Variants in CLMN observed in about 807,000 individuals in gnomAD.
CLMN encodes the protein calmin.
In CLMN, 57 loss-of-function variants were observed where a neutral mutation model predicts 92.7. The ratio of observed to expected loss-of-function variants is 0.61; its 90% CI spans 0.50 to 0.77. The LOEUF is 0.77. Ranked by LOEUF, CLMN falls within the 30% of genes least tolerant of loss-of-function variation. CLMN has a pLI of 0.00. For missense variants in CLMN, 1,158 were observed against 1,237.5 expected (o/e 0.94, Z 0.96); for synonymous variants, 466 against 470.6 (o/e 0.99, Z 0.13).
chr14:95,238,972 C>T (rs1266979436), intron 1 of CLMN, among the ~76,000 whole-genome samples: 1 of 152,122 alleles, frequency 6.6e-6, no homozygotes. Context: ...GTGCCTATAA[C>T]TAAAATAGAA....
rs183979339 is a variant in CLMN, at chr14:95,214,755, G to C, written c.417+886C>G. Among the ~76,000 whole-genome samples, 910 of 149,008 alleles carry C rather than the reference G, an allele frequency of 6.1e-3. 14 individuals carry two copies. Among genetic ancestry groups the C allele is most frequent in the African/African-American group, 0.021 (845 of 40,742 alleles). ...AGAGACAGTATTTTTTTTTTTTTAAGTTCATGGTTCACTCAGAACAGGAAC... is the reference window on the plus strand; with the variant it reads ...AGAGACAGTATTTTTTTTTTTTTAACTTCATGGTTCACTCAGAACAGGAAC... On this transcript the variant is annotated intron_variant, in intron 5 of 12. Transcript: ENST00000298912.
intron 1 of CLMN, among the ~76,000 whole-genome samples, chr14:95,304,069 G>A (rs773613461): frequency 1.4e-4 from 22 of 152,216 alleles, no homozygotes; most frequent in Admixed American, 9.8e-4. Context: ...CAGACGTGGT[G>A]GCTCACACCT....
intron 6 of CLMN, among the ~76,000 whole-genome samples, chr14:95,211,539 A>G (rs1422987020): frequency 2.0e-5 from 3 of 152,140 alleles, no homozygotes; most frequent in African/African-American, 7.2e-5. Flanking sequence ...TCAACTTTTT[A>G]AAAGTAAAAG....
At position 95,203,500 on chromosome 14, in the gene CLMN, T is replaced by A. The variant is rs1309887389; in HGVS notation, c.1849A>T (p.Lys617Ter). The A allele has an allele frequency of 6.2e-7, 1 of 1,614,188 alleles. No individual in the cohort carries two copies. Among genetic ancestry groups the A allele is most frequent in the South Asian group, 1.1e-5 (1 of 91,084 alleles). The stretch of plus-strand genomic sequence containing the variant: ...TTAACTTGAGGCTCTGGCGAATCCT[T>A]CTTTTTGTGAGCAGATTTAATACTC... ...KRSIKSAHKK[K>*]DSPEPQVKMD... The change falls in exon 9 of 13, where the codon AAG (lysine) becomes TAG (stop). Residue 617 changes from lysine to a stop codon, truncating the protein, a stop_gained. Transcript: ENST00000298912. LOFTEE classifies it high-confidence loss of function.
chr14:95,281,626 G>A (rs1441405034), intron 1 of CLMN, among the ~76,000 whole-genome samples: 1 of 152,138 alleles, frequency 6.6e-6, no homozygotes, highest in Non-Finnish European at 1.5e-5. Flanking sequence ...TTCTAATTCT[G>A]GGCACATATT....
intron 1 of CLMN, among the ~76,000 whole-genome samples, chr14:95,303,130 T>C (rs534270734): frequency 2.6e-5 from 4 of 152,346 alleles, no homozygotes; most frequent in African/African-American, 9.6e-5. Flanking sequence ...AATCCTGCCA[T>C]GAAGAAAAGC....
chr14:95,314,649 G>A (rs928367956), intron 1 of CLMN, among the ~76,000 whole-genome samples: 1 of 152,218 alleles, frequency 6.6e-6, no homozygotes, highest in Non-Finnish European at 1.5e-5. Context: ...CAGCCTTTGG[G>A]TCTTGGTTGT....
In CLMN at chr14:95,184,263, C is replaced by T. The variant is rs139907492; in HGVS notation, c.*7301G>A. On this transcript the variant is annotated 3_prime_UTR_variant, in exon 13 of 13. Transcript: ENST00000298912. ...CTCCAATCTAAATCTGGCTGACTCCCAAACCTGACTTCTTTCTCTAGCCCA... is the reference window on the plus strand; with the variant it reads ...CTCCAATCTAAATCTGGCTGACTCCTAAACCTGACTTCTTTCTCTAGCCCA... 5.9e-5 allele frequency: 9 copies of T among 152,274 alleles called. No homozygotes were observed. The East Asian group carries it at 1.7e-3, about 29-fold the overall frequency. 9.4% of individuals were successfully genotyped at this position (152,274 alleles called of 1,614,324 possible).
chr14:95,192,312 T>C (rs1283103502), intron 12 of CLMN: 1 of 152,234 alleles, frequency 6.6e-6, no homozygotes, highest in Non-Finnish European at 1.5e-5. Flanking sequence ...TTTAAAATAA[T>C]TACTAGATTT....
At chr14:95,215,758 T>C (rs373104956) in intron 4 of CLMN, 25 bp from the exon 5 acceptor site, 22 of 1,550,360 alleles carry the variant, frequency 1.4e-5, no homozygotes, top group Admixed American at 5.0e-5. Context: ...TTTATGAACT[T>C]AAAGCGAGGT....
intron 1 of CLMN, among the ~76,000 whole-genome samples, chr14:95,292,723 C>T (rs188805472): frequency 6.6e-6 from 1 of 152,246 alleles, no homozygotes; most frequent in African/African-American, 2.4e-5. Context: ...AAAACACCAG[C>T]TTTCCCACGA....
intron 1 of CLMN, among the ~76,000 whole-genome samples, chr14:95,235,856 C>T (rs913587334): frequency 2.6e-5 from 4 of 152,148 alleles, no homozygotes; most frequent in Admixed American, 6.5e-5. Context: ...CATCTCTACA[C>T]GCGCTCGCCC....
chr14:95,264,700 A>T (rs1423813169), intron 1 of CLMN, among the ~76,000 whole-genome samples: 1 of 152,178 alleles, frequency 6.6e-6, no homozygotes, highest in Non-Finnish European at 1.5e-5. Flanking sequence ...GTGACCAGGC[A>T]ATGGCACCCA....
chr14:95,221,141 G>A (rs1434994743), intron 4 of CLMN, among the ~76,000 whole-genome samples: 2 of 152,132 alleles, frequency 1.3e-5, no homozygotes, highest in East Asian at 1.9e-4. Context: ...CCTAATGAGA[G>A]GCGTGATGAA....
chr14:95,214,054 C>A (rs377429000), intron 5 of CLMN, among the ~76,000 whole-genome samples: 1 of 151,984 alleles, frequency 6.6e-6, no homozygotes. Flanking sequence ...TGCACTCCCC[C>A]ATCTGAGCTA....
chr14:95,272,730 G>A (rs549890547), intron 1 of CLMN, among the ~76,000 whole-genome samples: 1 of 152,194 alleles, frequency 6.6e-6, no homozygotes, highest in Admixed American at 6.5e-5. Context: ...CTGCCTGCAC[G>A]GAGTTCATGG....
At chr14:95,202,259 A>G (rs1896905725) in intron 9 of CLMN, among the ~76,000 whole-genome samples, 1 of 152,188 alleles carries the variant, frequency 6.6e-6, no homozygotes, top group African/African-American at 2.4e-5. Context: ...GTTTCCTGAC[A>G]TAATCGCCAT....
chr14:95,233,354 C>CCCAT (rs1416480242), intron 1 of CLMN, among the ~76,000 whole-genome samples: 1 of 151,844 alleles, frequency 6.6e-6, no homozygotes, highest in Non-Finnish European at 1.5e-5. Flanking sequence ...CATCCACCTA[C>CCCAT]CCATCCATCC....
At chr14:95,263,619 G>C (rs1467509752) in intron 1 of CLMN, among the ~76,000 whole-genome samples, 1 of 152,226 alleles carries the variant, frequency 6.6e-6, no homozygotes, top group East Asian at 1.9e-4. Context: ...ACGTTACTTG[G>C]AATATGAATT....
Sources: gnomAD v4.1 joint callset for allele counts (sites outside exome capture counted in the v4.1 genomes callset) on GRCh38, gnomAD v4.1.1 for gene constraint, MANE v1.5 for transcripts, NCBI Gene and HGNC (gene_info 2026-07-23, HGNC 2026-07-21) for gene names.